Variants in GPR143 observed in about 807,000 individuals in gnomAD.
The protein encoded by GPR143 is G-protein coupled receptor 143.
Under a neutral mutation model 27.6 loss-of-function variants are expected in GPR143, and 8 were observed. That is an observed-to-expected ratio of 0.29 (90% CI 0.17 to 0.52). The LOEUF (loss-of-function observed/expected upper bound fraction) is 0.52, where lower values mean the gene tolerates loss of function less well. Among genes scored for constraint, GPR143 ranks in the 20% least tolerant of loss-of-function variants. The pLI is 0.96. For missense variants in GPR143, 303 were observed against 343.1 expected (o/e 0.88, Z 0.92); for synonymous variants, 156 against 153.2 (o/e 1.02, Z -0.13).
chrX:9,772,813 CAA>C (rs57110568), intron 1 of GPR143, among the ~76,000 whole-genome samples: 517 of 49,777 alleles, frequency 0.01, 3 homozygotes, highest in Admixed American at 0.015. Context: ...GATCCTGTCT[CAA>C]AAAAAAAAAA....
chrX:9,727,588 C>T, intron 8 of GPR143, among the ~76,000 whole-genome samples: 1 of 113,025 alleles, frequency 8.8e-6, no homozygotes, highest in Non-Finnish European at 1.9e-5. Flanking sequence ...ATTCCAGCAA[C>T]ATGTCTTCCT....
At chrX:9,756,795 C>T (rs1412876635) in intron 3 of GPR143, among the ~76,000 whole-genome samples, 1 of 112,319 alleles carries the variant, frequency 8.9e-6, no homozygotes, top group Admixed American at 9.5e-5. Context: ...TAAAATGGTA[C>T]ACTCACCTTG....
At chrX:9,739,984 G>A (rs1430472766) in intron 7 of GPR143, among the ~76,000 whole-genome samples, 1 of 109,898 alleles carries the variant, frequency 9.1e-6, no homozygotes, top group Non-Finnish European at 1.9e-5. Context: ...GGAGGAGCTG[G>A]AGTAGAGAAG....
rs1005899393 is a variant in GPR143 at position 9,734,104 on chromosome X, G to T, written c.1120+5381C>A. 4.6e-4 allele frequency among the ~76,000 whole-genome samples: 48 copies of T among 104,810 alleles called. No individual in the cohort carries two copies. The South Asian group carries it at 8.3e-3, about 18-fold the overall frequency. 91.0% of individuals were successfully genotyped at this position (104,810 alleles called of 115,157 possible). A position where few individuals can be genotyped will look rare whatever the true frequency, so the allele number is the denominator to read the frequency against. ...TCAAAAAAAAAAAAAAAAAGAAGAA[G>T]AATAAAATAGATTATAGAAGAAAAC... On this transcript the variant is annotated intron_variant, in intron 8 of 8. Coordinates refer to ENST00000467482, the MANE Select transcript of GPR143 (RefSeq NM_000273.3).
At chrX:9,776,738 ACT>A (rs200765218) in intron 1 of GPR143, among the ~76,000 whole-genome samples, 2,506 of 100,009 alleles carry the variant, frequency 0.025, 83 homozygotes, top group African/African-American at 0.087. Context: ...ACAGGGTCTC[ACT>A]CTATTACCCA....
chrX:9,745,617 C>T (rs2083425102), intron 5 of GPR143, among the ~76,000 whole-genome samples: 1 of 112,118 alleles, frequency 8.9e-6, no homozygotes, highest in Non-Finnish European at 1.9e-5. Flanking sequence ...TGCTCCACTT[C>T]CTGTTTCCTG....
At chrX:9,764,874 A>G (rs1045466156) in intron 1 of GPR143, among the ~76,000 whole-genome samples, 4 of 109,769 alleles carry the variant, frequency 3.6e-5, no homozygotes, top group African/African-American at 1.0e-4. Context: ...TAAAAATACA[A>G]AAATTAGTCG....
At position 9,744,336 on chromosome X, in the gene GPR143, T is replaced by C. The variant is rs749834467; in HGVS notation, c.659-663A>G. On this transcript the variant is annotated intron_variant, in intron 5 of 8. Transcript: ENST00000467482. ...GACAGAGCAAGACTCCGTCTCAAAA[T>C]AACTAAATAAATAAATTCCCAATTT... 1.8e-4 allele frequency among the ~76,000 whole-genome samples: 20 copies of C among 111,052 alleles called. No individual in the cohort carries two copies. In the Admixed American group the frequency reaches 1.9e-3, roughly 11 times the overall value.
intron 3 of GPR143, among the ~76,000 whole-genome samples, chrX:9,754,617 C>T (rs2083465795): frequency 9.0e-6 from 1 of 111,398 alleles, no homozygotes; most frequent in African/African-American, 3.3e-5. Flanking sequence ...TCCCAACATC[C>T]TGCCTTCTGA....
intron 8 of GPR143, among the ~76,000 whole-genome samples, chrX:9,737,200 G>A (rs1766890792): frequency 8.9e-6 from 1 of 111,852 alleles, no homozygotes. Context: ...GCACCTGCTT[G>A]TTGTCCTAGC....
At chrX:9,739,327 T>A (rs1206289957) in intron 8 of GPR143, among the ~76,000 whole-genome samples, 158 bp downstream of exon 8, 3 of 111,728 alleles carry the variant, frequency 2.7e-5, no homozygotes, top group African/African-American at 6.5e-5. Context: ...TTGTCACAAT[T>A]GGGGAGGTGC....
chrX:9,725,404 G>T lies in GPR143; in HGVS notation c.*342C>A. ...AGTGTTAAGACAGAATCCAAGTCAG[G>T]CTGAGAGCTCAGTCATAACTATTTT... On this transcript the variant is annotated 3_prime_UTR_variant, in exon 9 of 9. Transcript: ENST00000467482. 1 of 204,488 alleles carries T rather than the reference G, an allele frequency of 4.9e-6. No homozygotes were observed. The highest frequency in any genetic ancestry group is 8.9e-6 in the Non-Finnish European group (1 of 111,786). The allele number at this position is 204,488 out of a possible 1,213,427, so 16.9% of individuals were successfully genotyped here.
At chrX:9,770,323 AAGAGAGAGAG>A (rs201287124), upstream of GPR143, among the ~76,000 whole-genome samples, 762 of 88,972 alleles carry the variant, frequency 8.6e-3, 6 homozygotes, top group Non-Finnish European at 0.012. Flanking sequence ...AAGAAAGAAA[AAGAGAGAGAG>A]AGAGAGAGAG....
intron 3 of GPR143, among the ~76,000 whole-genome samples, chrX:9,759,013 TTTC>T (rs2083484485): frequency 8.9e-6 from 1 of 112,293 alleles, no homozygotes; most frequent in African/African-American, 3.2e-5. Flanking sequence ...TCCTCAAGAT[TTTC>T]TTTTATTATT....
chrX:9,766,901 TCTCACACA>T (rs770017774), upstream of GPR143, among the ~76,000 whole-genome samples: 447 of 65,128 alleles, frequency 6.9e-3, 1 homozygote, highest in East Asian at 9.5e-3. Flanking sequence ...TATCTCTCTC[TCTCACACA>T]CACACACACA....
At chrX:9,777,582 C>T (rs2083574641) in intron 1 of GPR143, among the ~76,000 whole-genome samples, 1 of 110,978 alleles carries the variant, frequency 9.0e-6, no homozygotes, top group Non-Finnish European at 1.9e-5. Context: ...TTTATTGACA[C>T]AATGCCATGT....
At chrX:9,730,181 T>G (rs1030866852) in intron 8 of GPR143, among the ~76,000 whole-genome samples, 1 of 112,086 alleles carries the variant, frequency 8.9e-6, no homozygotes, top group Non-Finnish European at 1.9e-5. Context: ...TTTCTCAGAA[T>G]GTATCCTCAT....
chrX:9,732,714 T>G lies in GPR143; in HGVS notation c.1120+6771A>C, dbSNP rs373104035. ...CCCATCTCTACTAAAAATACAAAAATTAGCCAGGCATGGTGGTGTGCACCT... is the reference window on the plus strand; with the variant it reads ...CCCATCTCTACTAAAAATACAAAAAGTAGCCAGGCATGGTGGTGTGCACCT... On this transcript the variant is annotated intron_variant, in intron 8 of 8. Transcript: ENST00000467482. Among the ~76,000 whole-genome samples, 8 of 109,010 alleles carry G rather than the reference T, an allele frequency of 7.3e-5. No homozygotes were observed. In the East Asian group the frequency reaches 1.4e-3, roughly 20 times the overall value. The allele number at this position is 109,010 out of a possible 115,157, so 94.7% of individuals were successfully genotyped here. A position where few individuals can be genotyped will look rare whatever the true frequency, so the allele number is the denominator to read the frequency against.
At position 9,760,430 on chromosome X, in the gene GPR143, C is replaced by G. The variant is rs1196819618; in HGVS notation, c.360+287G>C. Among the ~76,000 whole-genome samples the G allele has an allele frequency of 4.9e-4, 55 of 111,906 alleles. No homozygotes were observed. The Admixed American group carries it at 5.3e-3, about 11-fold the overall frequency. ...TAATATATTTATGTATATATTTATA[C>G]AAAATGCATCCAATGGATTGATAAC... is the stretch of plus-strand genomic sequence containing the variant. On this transcript the variant is annotated intron_variant, in intron 2 of 8. Transcript: ENST00000467482.
Sources: gnomAD v4.1 joint callset for allele counts (sites outside exome capture counted in the v4.1 genomes callset) on GRCh38, gnomAD v4.1.1 for gene constraint, MANE v1.5 for transcripts, NCBI Gene and HGNC (gene_info 2026-07-23, HGNC 2026-07-21) for gene names.